Variants in ARHGEF18 observed in about 807,000 individuals in gnomAD.
The protein encoded by ARHGEF18 is Rho/Rac guanine nucleotide exchange factor 18, also known as rho guanine nucleotide exchange factor 18.
ARHGEF18 carries 93 observed loss-of-function variants against 155.7 expected under a neutral mutation model. The observed-to-expected ratio is 0.60, with a 90% confidence interval of 0.50 to 0.71. The LOEUF (loss-of-function observed/expected upper bound fraction) is 0.71, where lower values mean the gene tolerates loss of function less well. ARHGEF18 is among the 30% of genes least tolerant of loss of function. The pLI is 0.00. For synonymous variants in ARHGEF18, 742 were observed against 753.1 expected, an observed-to-expected ratio of 0.99 and a Z score of 0.24; for missense variants, 1,593 against 1,816.1, an observed-to-expected ratio of 0.88 and a Z score of 2.23.
chr19:7,380,427 CGA>C (rs1970675230), intron 7 of ARHGEF18, among the ~76,000 whole-genome samples: 1 of 149,260 alleles, frequency 6.7e-6, no homozygotes, highest in South Asian at 2.1e-4. Context: ...TGCAGTGAGC[CGA>C]GATCGCACCA....
intron 5 of ARHGEF18, among the ~76,000 whole-genome samples, chr19:7,376,972 C>T (rs1970488468): frequency 1.3e-5 from 2 of 152,278 alleles, no homozygotes; most frequent in East Asian, 1.9e-4. Flanking sequence ...GGGAAGGGAC[C>T]TCCAGCATCT....
At chr19:7,461,324 G>A (rs944398816) in intron 20 of ARHGEF18, among the ~76,000 whole-genome samples, 1 of 152,088 alleles carries the variant, frequency 6.6e-6, no homozygotes, top group African/African-American at 2.4e-5. Context: ...CAAAGCAGGT[G>A]GATCATTTGA....
chr19:7,353,179 G>A (rs1345933573), intron 1 of ARHGEF18, among the ~76,000 whole-genome samples: 1 of 151,670 alleles, frequency 6.6e-6, no homozygotes, highest in Non-Finnish European at 1.5e-5. Flanking sequence ...TTCCAACTCT[G>A]ACTGCCAATG....
intron 14 of ARHGEF18, among the ~76,000 whole-genome samples, chr19:7,446,223 G>A (rs1974978437): frequency 6.6e-6 from 1 of 151,120 alleles, no homozygotes; most frequent in African/African-American, 2.4e-5. Context: ...ACATGGTCAG[G>A]TTAGCCAGGT....
In ARHGEF18 at chr19:7,444,495, C is replaced by T; in HGVS notation, c.1611+41C>T. 1 of 1,600,796 alleles carries T rather than the reference C, an allele frequency of 6.2e-7. No individual in the cohort carries two copies. The highest frequency in any genetic ancestry group is 8.5e-7 in the Non-Finnish European group (1 of 1,172,314). ...TTCATCTCAACAGTCTTCAAAGCCT[C>T]TGCCTTGTCTCTGTTCCTTTCTTCT... On this transcript the variant is annotated intron_variant, in intron 14 of 28. Transcript: ENST00000668164. This position sits in a 1 kb window ranked among gnomAD's most constrained non-coding sequence, Gnocchi z 4.7.
chr19:7,423,112 T>A (rs1054101956), intron 10 of ARHGEF18, among the ~76,000 whole-genome samples: 4 of 152,168 alleles, frequency 2.6e-5, no homozygotes, highest in African/African-American at 9.7e-5. Flanking sequence ...CAGGGATTAA[T>A]AGCCGGGAGG....
At chr19:7,399,136 T>C (rs1971889872) in intron 10 of ARHGEF18, among the ~76,000 whole-genome samples, 2 of 152,222 alleles carry the variant, frequency 1.3e-5, no homozygotes, top group South Asian at 2.1e-4. Context: ...TAAACTTTAC[T>C]TTCCCCCTGA....
At position 7,462,171 on chromosome 19, in the gene ARHGEF18, C is replaced by T; in HGVS notation, c.2472C>T (p.Asp824=). ...RDFQERLSMK[D]QLIAQSLLEK... Reference sequence around the variant, plus strand: ...CTGCAGAGCGGTTGAGCATGAAAGACCAGCTGATCGCACAGAGCCTCCTAG... The same window carrying T: ...CTGCAGAGCGGTTGAGCATGAAAGATCAGCTGATCGCACAGAGCCTCCTAG... Residue 824 remains aspartate (D), a synonymous_variant, in exon 21 of 29, where the codon GAC becomes GAT. Coordinates refer to ENST00000668164, the MANE Select transcript of ARHGEF18 (RefSeq NM_001367823.1). The surrounding 1 kb of genome is among the most constrained non-coding windows in gnomAD (Gnocchi z 4.4). 6.2e-7 allele frequency: 1 copy of T among 1,613,948 alleles called. No individual in the cohort carries two copies. The highest frequency in any genetic ancestry group is 1.7e-5 in the Admixed American group (1 of 60,018).
intron 10 of ARHGEF18, among the ~76,000 whole-genome samples, chr19:7,412,490 C>A (rs1972745901): frequency 6.6e-6 from 1 of 151,218 alleles, no homozygotes. Flanking sequence ...GCCTGTAATC[C>A]CAGCACTTTG....
intron 10 of ARHGEF18, among the ~76,000 whole-genome samples, chr19:7,425,363 A>C (rs186648212): frequency 8.5e-5 from 13 of 152,290 alleles, no homozygotes; most frequent in African/African-American, 3.1e-4. Flanking sequence ...CTTCCCCACA[A>C]AAAAAACAAA....
At chr19:7,469,237 A>C in intron 27 of ARHGEF18, 106 bp downstream of exon 27, 2 of 1,366,012 alleles carry the variant, frequency 1.5e-6, no homozygotes, top group Admixed American at 2.7e-5. Flanking sequence ...CATCCTCTGG[A>C]GAGGAAAACC....
chr19:7,439,419 C>T (rs754776562), intron 10 of ARHGEF18, among the ~76,000 whole-genome samples: 28 of 152,076 alleles, frequency 1.8e-4, no homozygotes, highest in Admixed American at 9.8e-4. Context: ...GGCCACTGCA[C>T]TCCAGCCTGA....
intron 3 of ARHGEF18, among the ~76,000 whole-genome samples, chr19:7,373,371 G>A (rs765015230): frequency 1.3e-4 from 20 of 151,870 alleles, no homozygotes; most frequent in Non-Finnish European, 2.4e-4. Flanking sequence ...TGGGAGCCCC[G>A]AGCTTGTTTT....
intron 10 of ARHGEF18, among the ~76,000 whole-genome samples, chr19:7,388,495 A>T (rs1282606783): frequency 6.6e-6 from 1 of 152,096 alleles, no homozygotes; most frequent in Non-Finnish European, 1.5e-5. Flanking sequence ...CAGAGAAGTT[A>T]AGTTTTTGCT....
chr19:7,380,917 G>A lies in ARHGEF18; in HGVS notation c.645G>A (p.Gly215=), dbSNP rs1970703844. Residue 215 remains glycine (G), a splice_region_variant and synonymous_variant, in exon 8 of 29, where the codon GGG becomes GGA. Coordinates refer to ENST00000668164, the MANE Select transcript of ARHGEF18 (RefSeq NM_001367823.1). The stretch of plus-strand genomic sequence containing the variant: ...GTATCTGTCCCCTCTGATCCTGCAG[G>A]GCCCGGCAGAGGGCTTGCATGTCAG... ...QVLQELRQYH[G]ARQRACMSAS... is the part of the protein sequence containing the mutation. 1 of 1,231,910 alleles carries A rather than the reference G, an allele frequency of 8.1e-7. No individual in the cohort carries two copies. The highest frequency in any genetic ancestry group is 4.2e-5 in the Admixed American group (1 of 23,670). 76.3% of individuals were successfully genotyped at this position (1,231,910 alleles called of 1,614,324 possible).
At chr19:7,426,927 G>A (rs967616265) in intron 10 of ARHGEF18, among the ~76,000 whole-genome samples, 4 of 152,082 alleles carry the variant, frequency 2.6e-5, no homozygotes, top group African/African-American at 9.7e-5. Flanking sequence ...AGGTCACCTC[G>A]CCGTGTTGAA....
At position 7,441,770 on chromosome 19, in the gene ARHGEF18, G is replaced by C. The variant is rs778848695; in HGVS notation, c.1219+5G>C. 5 of 1,613,790 alleles carry C rather than the reference G, an allele frequency of 3.1e-6. No individual in the cohort carries two copies. In the African/African-American group the frequency reaches 4.0e-5, roughly 13 times the overall value. On this transcript the variant is annotated splice_donor_5th_base_variant and intron_variant, in intron 12 of 28. Transcript: ENST00000668164. ...CCGAGTCCATTTTTGTAGAAGGTATGGTCATCTCCGCTCTCTCGCGGCTGC... is the reference window on the plus strand; with the variant it reads ...CCGAGTCCATTTTTGTAGAAGGTATCGTCATCTCCGCTCTCTCGCGGCTGC...
intron 8 of ARHGEF18, among the ~76,000 whole-genome samples, chr19:7,382,192 C>G (rs138576696): frequency 0.011 from 1,667 of 152,028 alleles, 31 homozygotes; most frequent in African/African-American, 0.037. Context: ...GCAGATGGAT[C>G]ACCTAAGCCT....
intron 1 of ARHGEF18, among the ~76,000 whole-genome samples, chr19:7,350,085 C>T (rs901601120): frequency 5.9e-5 from 9 of 152,210 alleles, no homozygotes; most frequent in Non-Finnish European, 8.8e-5. Context: ...TGTCTCCTCT[C>T]GTGGCCCCTT....
Sources: gnomAD v4.1 joint callset for allele counts (sites outside exome capture counted in the v4.1 genomes callset) on GRCh38, gnomAD v4.1.1 for gene constraint, Gnocchi (gnomAD v3.1) non-coding constraint, MANE v1.5 for transcripts, NCBI Gene and HGNC (gene_info 2026-07-23, HGNC 2026-07-21) for gene names.